BEGAIN: variants seen among roughly 807,000 people sequenced by gnomAD.
The protein encoded by BEGAIN is brain enriched guanylate kinase associated, also known as brain-enriched guanylate kinase-associated protein.
In BEGAIN, 19 loss-of-function variants were observed where a neutral mutation model predicts 35.8. The ratio of observed to expected loss-of-function variants is 0.53; its 90% confidence interval spans 0.37 to 0.78. The LOEUF (loss-of-function observed/expected upper bound fraction) is 0.78. Ranked by LOEUF, BEGAIN falls within the 30% of genes least tolerant of loss-of-function variation. BEGAIN has a pLI of 0.00. For missense variants in BEGAIN, 795 were observed against 853.6 expected, an observed-to-expected ratio of 0.93 and a Z score of 0.85; for synonymous variants, 462 against 388.6, an observed-to-expected ratio of 1.19 and a Z score of -2.22.
intron 5 of BEGAIN, among the ~76,000 whole-genome samples, chr14:100,542,926 T>C (rs1391734417): frequency 1.3e-5 from 2 of 152,202 alleles, no homozygotes; most frequent in African/African-American, 4.8e-5. Context: ...AAGCCCAGGT[T>C]TCTGGGAGGA....
rs1315102165 is a variant in BEGAIN at position 100,558,193 on chromosome 14, AAG to A, written c.71+9716_71+9717del. Among the ~76,000 whole-genome samples, 1 of 105,504 alleles carries A rather than the reference AAG, an allele frequency of 9.5e-6. No homozygotes were observed. Among genetic ancestry groups the A allele is most frequent in the East Asian group, 9.1e-4 (1 of 1,096 alleles). The allele number at this position is 105,504 out of a possible 152,430, so 69.2% of individuals were successfully genotyped here. ...ACAGTCCCTGTTCCCTGATCAATGA[AAG>A]TGTCTGACCTTTCTGCCTCTGCCTC... On this transcript the variant is annotated intron_variant, in intron 2 of 6. Coordinates refer to ENST00000554140, the MANE Select transcript of BEGAIN (RefSeq NM_001385089.1). This position sits in a 1 kb window ranked among gnomAD's most constrained non-coding sequence, Gnocchi z 4.6.
intron 1 of BEGAIN, among the ~76,000 whole-genome samples, chr14:100,576,905 C>A (rs983777388): frequency 3.9e-5 from 6 of 152,196 alleles, no homozygotes; most frequent in African/African-American, 1.4e-4. Context: ...CAAGTGGCAG[C>A]CCCTCACAAC....
chr14:100,556,670 CA>C (rs2033755578), intron 2 of BEGAIN, among the ~76,000 whole-genome samples: 1 of 152,214 alleles, frequency 6.6e-6, no homozygotes, highest in African/African-American at 2.4e-5. Flanking sequence ...CATCAGGGCA[CA>C]GGGGCTGTCT....
At chr14:100,570,047 G>A (rs1321694933) in intron 1 of BEGAIN, among the ~76,000 whole-genome samples, 1 of 152,130 alleles carries the variant, frequency 6.6e-6, no homozygotes, top group Non-Finnish European at 1.5e-5. Flanking sequence ...TCCCGCAGCT[G>A]AAGGGGCCCA....
rs2139630639 is a variant in BEGAIN, at chr14:100,558,775, G to T, written c.71+9136C>A. Among the ~76,000 whole-genome samples the T allele has an allele frequency of 6.6e-6, 1 of 152,248 alleles. No homozygotes were observed. Among genetic ancestry groups the T allele is most frequent in the South Asian group, 2.1e-4 (1 of 4,822 alleles). On this transcript the variant is annotated intron_variant, in intron 2 of 6. Coordinates refer to ENST00000554140, the MANE Select transcript of BEGAIN (RefSeq NM_001385089.1). The surrounding 1 kb of genome is among the most constrained non-coding windows in gnomAD (Gnocchi z 4.6). ...CTTCTAGGACCACCCACCACACCAG[G>T]CCCACTCCTTTCAAGTGACTGCCGC...
intron 1 of BEGAIN, among the ~76,000 whole-genome samples, chr14:100,569,992 C>G (rs559555108): frequency 2.6e-5 from 4 of 152,086 alleles, no homozygotes; most frequent in Non-Finnish European, 5.9e-5. Context: ...CCCCGGACCC[C>G]CTATGCGGGA....
At chr14:100,561,173 G>C (rs1264988468) in intron 2 of BEGAIN, among the ~76,000 whole-genome samples, 2 of 152,202 alleles carry the variant, frequency 1.3e-5, no homozygotes, top group African/African-American at 4.8e-5. Flanking sequence ...AGACAGCCTA[G>C]GGTGCGGAAG....
intron 1 of BEGAIN, among the ~76,000 whole-genome samples, chr14:100,584,909 C>T (rs1311916889): frequency 6.6e-6 from 1 of 152,068 alleles, no homozygotes; most frequent in Non-Finnish European, 1.5e-5. Context: ...GTCACCCACC[C>T]ATCTGTCCCA....
chr14:100,573,034 C>A lies in BEGAIN; in HGVS notation c.43-5095G>T, dbSNP rs77641516. On this transcript the variant is annotated intron_variant, in intron 1 of 6. Transcript: ENST00000554140. The surrounding 1 kb of genome is among the most constrained non-coding windows in gnomAD (Gnocchi z 4.2). ...CACCACCCCTCCCACCCTGTATGTC[C>A]GACGGGGATATGTGTACAGAGAAGG... Among the ~76,000 whole-genome samples the A allele has an allele frequency of 2.3e-3, 348 of 151,780 alleles. 1 individual carries two copies. The highest frequency in any genetic ancestry group is 4.0e-3 in the Non-Finnish European group (271 of 67,954).
chr14:100,552,856 G>A (rs879445798), intron 2 of BEGAIN, among the ~76,000 whole-genome samples: 8 of 152,354 alleles, frequency 5.3e-5, no homozygotes, highest in Non-Finnish European at 1.0e-4. Context: ...CTGGGCAGAC[G>A]GATGGACTGG....
At position 100,574,995 on chromosome 14, in the gene BEGAIN, C is replaced by T. The variant is rs554090912; in HGVS notation, c.43-7056G>A. ...GGCTCAGTCCCAAGTCTGTGATAAC[C>T]GGCGGTCCTAGAGACCTTCTACAGT... On this transcript the variant is annotated intron_variant, in intron 1 of 6. Transcript: ENST00000554140. Among the ~76,000 whole-genome samples the T allele has an allele frequency of 6.6e-5, 10 of 152,282 alleles. No homozygotes were observed. In the East Asian group the frequency reaches 9.6e-4, roughly 15 times the overall value.
At chr14:100,545,483 C>T (rs1195611484) in intron 3 of BEGAIN, 3 of 962,892 alleles carry the variant, frequency 3.1e-6, no homozygotes, top group South Asian at 4.8e-5. Flanking sequence ...GTGATGGGCC[C>T]CAGGGTGAGG....
intron 2 of BEGAIN, chr14:100,550,546 CGGGGTGGGCAGGGCTG>C (rs1435567175): frequency 5.0e-6 from 2 of 398,626 alleles, no homozygotes; most frequent in Non-Finnish European, 8.9e-6. Context: ...CAGAACAGGC[CGGGGTGGGCAGGGCTG>C]GGGGCCATGC....
At chr14:100,561,493 A>G (rs1278365924) in intron 2 of BEGAIN, among the ~76,000 whole-genome samples, 5 of 152,162 alleles carry the variant, frequency 3.3e-5, no homozygotes. Flanking sequence ...TCATGTCTGT[A>G]ATCCCAGCAC....
chr14:100,583,047 C>A (rs1375072045), intron 1 of BEGAIN, among the ~76,000 whole-genome samples: 2 of 150,758 alleles, frequency 1.3e-5, no homozygotes, highest in African/African-American at 4.9e-5. Flanking sequence ...TTTACAGGTG[C>A]CATCCACGCA....
chr14:100,542,076 G>C (rs2031710047), intron 5 of BEGAIN, among the ~76,000 whole-genome samples: 1 of 152,160 alleles, frequency 6.6e-6, no homozygotes. Context: ...GTCCACTTAG[G>C]TAAGGGGCCT....
chr14:100,543,793 T>C, intron 5 of BEGAIN, 65 bp downstream of exon 5: 1 of 1,293,518 alleles, frequency 7.7e-7, no homozygotes, highest in Non-Finnish European at 1.1e-6. Context: ...TCCCAGTGCA[T>C]CCTGGGAAGC....
rs1566959173 is a variant in BEGAIN, at chr14:100,539,169, G to C, written c.639C>G (p.Ser213Arg). The C allele has an allele frequency of 3.8e-6, 6 of 1,587,268 alleles. No homozygotes were observed. The Middle Eastern group carries it at 5.0e-4, about 133-fold the overall frequency. Reference sequence around the variant, plus strand: ...AGGCATCGGACAGGCGGGAGGACAGGCTGGCGGGGTCCGGCTTCTCCAGCA... The same window carrying C: ...AGGCATCGGACAGGCGGGAGGACAGCCTGGCGGGGTCCGGCTTCTCCAGCA... ...AKVLEKPDPA[S>R]LSSRLSDASA... is the part of the protein sequence containing the mutation. Residue 213 changes from serine (S) to arginine (R), a missense_variant, in exon 7 of 7, where the codon AGC (serine) becomes AGG (arginine). Transcript: ENST00000554140.
At chr14:100,582,528 C>T (rs1196170324) in intron 1 of BEGAIN, among the ~76,000 whole-genome samples, 1 of 152,208 alleles carries the variant, frequency 6.6e-6, no homozygotes, top group African/African-American at 2.4e-5. Flanking sequence ...ATCACCTGCC[C>T]CGCTGTCCCT....
Sources: allele counts gnomAD v4.1 joint callset (sites outside exome capture counted in the v4.1 genomes callset), GRCh38; gene constraint gnomAD v4.1.1; non-coding constraint Gnocchi (gnomAD v3.1); transcripts MANE v1.5; gene names NCBI Gene and HGNC (gene_info 2026-07-23, HGNC 2026-07-21).